Variants in ZNF25 observed in about 807,000 individuals in gnomAD.
ZNF25 encodes the protein zinc finger protein 25.
Under a neutral mutation model 30.9 loss-of-function variants are expected in ZNF25, and 21 were observed. That is an observed-to-expected ratio of 0.68 (90% confidence interval 0.48 to 0.98). The LOEUF is 0.98. Ranked by LOEUF, ZNF25 falls within the 50% of genes least tolerant of loss-of-function variation. The pLI is 0.00. For missense variants in ZNF25, 501 were observed against 529.9 expected (o/e 0.95, Z 0.54); for synonymous variants, 169 against 181.3 (o/e 0.93, Z 0.55).
chr10:37,953,086 G>A lies in ZNF25; in HGVS notation c.412C>T (p.His138Tyr), dbSNP rs1039119728. The A allele has an allele frequency of 3.7e-6, 6 of 1,613,364 alleles. No individual in the cohort carries two copies. The highest frequency in any genetic ancestry group is 1.7e-5 in the Admixed American group (1 of 59,950). ...CQKSALIVHQ[H>Y]THSKGKSYDC... is the part of the protein sequence containing the mutation. ...TAGGATTTGCCCTTTGAGTGAGTAT[G>A]CTGATGTACTATGAGGGCAGACTTC... The change falls in exon 6 of 6, where the codon CAT (histidine) becomes TAT (tyrosine). Residue 138 changes from histidine (H) to tyrosine (Y), a missense_variant. Transcript: ENST00000302609.
At chr10:37,970,330 A>T (rs1341552077) in intron 2 of ZNF25, among the ~76,000 whole-genome samples, 2 of 152,188 alleles carry the variant, frequency 1.3e-5, no homozygotes, top group Non-Finnish European at 2.9e-5. Flanking sequence ...TTTGAACATC[A>T]ATCAGTGCAG....
At chr10:37,970,878 G>A (rs1230703648) in intron 2 of ZNF25, among the ~76,000 whole-genome samples, 1 of 152,082 alleles carries the variant, frequency 6.6e-6, no homozygotes, top group African/African-American at 2.4e-5. Context: ...ATATTTTAGG[G>A]TAGCATTGTC....
At chr10:37,962,659 A>C (rs1390040874) in intron 2 of ZNF25, among the ~76,000 whole-genome samples, 1 of 152,184 alleles carries the variant, frequency 6.6e-6, no homozygotes, top group Non-Finnish European at 1.5e-5. Context: ...AAAGCTGATA[A>C]ACCTATATCC....
chr10:37,961,970 C>G (rs1590245195), intron 2 of ZNF25, among the ~76,000 whole-genome samples: 1 of 148,548 alleles, frequency 6.7e-6, no homozygotes, highest in Non-Finnish European at 1.5e-5. Context: ...GGTGCAATGG[C>G]TCATGCCTGT....
At chr10:37,953,478 GA>G (rs907704898) in intron 5 of ZNF25, 3 of 612,846 alleles carry the variant, frequency 4.9e-6, no homozygotes, top group Non-Finnish European at 8.5e-6. Flanking sequence ...ACTTAATTCA[GA>G]AGAGTAAAAA....
At chr10:37,964,242 A>G (rs895013992) in intron 2 of ZNF25, among the ~76,000 whole-genome samples, 1 of 152,322 alleles carries the variant, frequency 6.6e-6, no homozygotes, top group Non-Finnish European at 1.5e-5. Flanking sequence ...CAACTAACAC[A>G]AAATAGGTAC....
intron 2 of ZNF25, among the ~76,000 whole-genome samples, chr10:37,971,009 A>T (rs2063458400): frequency 6.6e-6 from 1 of 152,188 alleles, no homozygotes; most frequent in Non-Finnish European, 1.5e-5. Context: ...ATTGTTATAA[A>T]ATATATTTTT....
In ZNF25 at chr10:37,956,167, G is replaced by T. The variant is rs528436454; in HGVS notation, c.238+853C>A. Among the ~76,000 whole-genome samples, 10 of 152,332 alleles carry T rather than the reference G, an allele frequency of 6.6e-5. No individual in the cohort carries two copies. The East Asian group carries it at 1.9e-3, about 29-fold the overall frequency. On this transcript the variant is annotated intron_variant, in intron 4 of 5. Transcript: ENST00000302609. Reference sequence around the variant, plus strand: ...CAAATAAGTTTAGGGAGGATAAGCAGTGCTTTGTGGGAAGGATAAACACTG... The same window carrying T: ...CAAATAAGTTTAGGGAGGATAAGCATTGCTTTGTGGGAAGGATAAACACTG...
At chr10:37,973,724 A>T (rs1293332581) in intron 1 of ZNF25, among the ~76,000 whole-genome samples, 1 of 152,140 alleles carries the variant, frequency 6.6e-6, no homozygotes, top group African/African-American at 2.4e-5. Flanking sequence ...TCTACAGATT[A>T]AATGCAATCC....
rs1319309745 is a variant in ZNF25 at position 37,952,107 on chromosome 10, A to G, written c.*20T>C. ...TTGTTTTGAAGGATTAATTCAGTCA[A>G]GAGAATTTCCCAACTCATCTTACTT... On this transcript the variant is annotated 3_prime_UTR_variant, in exon 6 of 6. Transcript: ENST00000302609. The G allele has an allele frequency of 6.5e-7, 1 of 1,534,066 alleles. No homozygotes were observed. The highest frequency in any genetic ancestry group is 8.8e-7 in the Non-Finnish European group (1 of 1,142,302).
intron 1 of ZNF25, among the ~76,000 whole-genome samples, chr10:37,976,173 T>C (rs2063799353): frequency 6.6e-6 from 1 of 152,196 alleles, no homozygotes; most frequent in South Asian, 2.1e-4. Flanking sequence ...TGGGACCACC[T>C]ACAGACGCTG....
chr10:37,956,547 G>A (rs1028979827), intron 4 of ZNF25, among the ~76,000 whole-genome samples: 12 of 152,102 alleles, frequency 7.9e-5, no homozygotes, highest in African/African-American at 2.9e-4. Flanking sequence ...ACAAAAATTG[G>A]AGGTGTGAAT....
In ZNF25 at chr10:37,963,776, A is replaced by G. The variant is rs1590260309; in HGVS notation, c.16-6230T>C. Among the ~76,000 whole-genome samples, 6 of 152,234 alleles carry G rather than the reference A, an allele frequency of 3.9e-5. No homozygotes were observed. The East Asian group carries it at 1.2e-3, about 30-fold the overall frequency. Reference sequence around the variant, plus strand: ...GATAACCTGAGGTCAGGAGTTTGAGACCAGCCTGGCCAACATGGCGAAACC... The same window carrying G: ...GATAACCTGAGGTCAGGAGTTTGAGGCCAGCCTGGCCAACATGGCGAAACC... On this transcript the variant is annotated intron_variant, in intron 2 of 5. Transcript: ENST00000302609.
At position 37,952,401 on chromosome 10, in the gene ZNF25, CCT is replaced by C. The variant is rs1381685356; in HGVS notation, c.1095_1096del (p.Lys368AlafsTer3). 2 of 1,614,096 alleles carry C rather than the reference CCT, an allele frequency of 1.2e-6. No individual in the cohort carries two copies. The highest frequency in any genetic ancestry group is 2.2e-5 in the East Asian group (1 of 44,880). Reference sequence around the variant, plus strand: ...TTCTGTGCATTCATAGGGCTTCTCCCCTGTGTGTTTTCTCTGATGTTTAGTGA... The same window carrying C: ...TTCTGTGCATTCATAGGGCTTCTCCCGTGTGTTTTCTCTGATGTTTAGTGA... On this transcript the variant is annotated frameshift_variant, in exon 6 of 6. Transcript: ENST00000302609. LOFTEE classifies it low-confidence loss of function (END_TRUNC).
chr10:37,961,325 T>C (rs2062858073), intron 2 of ZNF25, among the ~76,000 whole-genome samples: 1 of 152,176 alleles, frequency 6.6e-6, no homozygotes, highest in Non-Finnish European at 1.5e-5. Context: ...GTTTCTTAAA[T>C]GACAGCAATT....
intron 2 of ZNF25, among the ~76,000 whole-genome samples, chr10:37,958,906 G>A (rs570894305): frequency 1.4e-4 from 22 of 152,192 alleles, no homozygotes; most frequent in African/African-American, 3.4e-4. Flanking sequence ...AAAATTAGCC[G>A]GGCGTGGTGG....
intron 4 of ZNF25, among the ~76,000 whole-genome samples, chr10:37,956,705 T>C (rs1448651171): frequency 6.6e-6 from 1 of 151,824 alleles, no homozygotes; most frequent in Non-Finnish European, 1.5e-5. Flanking sequence ...TCACCTGAGG[T>C]TGGGAGTTCA....
In ZNF25 at chr10:37,951,255, T is replaced by G. The variant is rs931021662; in HGVS notation, c.*872A>C. The G allele has an allele frequency of 1.8e-4, 27 of 152,352 alleles. No homozygotes were observed. The highest frequency in any genetic ancestry group is 6.3e-4 in the African/African-American group (26 of 41,470). The allele number at this position is 152,352 out of a possible 1,614,324, so 9.4% of individuals were successfully genotyped here. On this transcript the variant is annotated 3_prime_UTR_variant, in exon 6 of 6. Transcript: ENST00000302609. ...TGAGACTTAATGTGCAACATCTTCA[T>G]ACACATAATAGTTACTGAACTAAGA...
intron 2 of ZNF25, 143 bp downstream of exon 2, chr10:37,971,565 G>A: frequency 7.2e-7 from 1 of 1,384,254 alleles, no homozygotes; most frequent in Non-Finnish European, 9.8e-7. Flanking sequence ...TTTGCCTGTA[G>A]GTGATTTTTA....
Sources: allele counts gnomAD v4.1 joint callset (sites outside exome capture counted in the v4.1 genomes callset), GRCh38; gene constraint gnomAD v4.1.1; transcripts MANE v1.5; gene names NCBI Gene and HGNC (gene_info 2026-07-23, HGNC 2026-07-21).